The following TRAP1 variants were observed in gnomAD, a reference collection of about 807,000 sequenced individuals.
TRAP1 encodes the protein heat shock protein 75 kDa, mitochondrial.
Under a neutral mutation model 89.1 loss-of-function variants are expected in TRAP1, and 102 were observed. That is an observed-to-expected ratio of 1.15 (90% confidence interval 0.98 to 1.35). The LOEUF (loss-of-function observed/expected upper bound fraction) is 1.35, where lower values mean the gene tolerates loss of function less well. TRAP1 is among the 40% of genes most tolerant of loss of function. The pLI, the probability that TRAP1 is intolerant of heterozygous loss-of-function variation, is 0.00. For missense variants in TRAP1, 1,256 were observed against 945.3 expected, an observed-to-expected ratio of 1.33 and a Z score of -4.31; for synonymous variants, 508 against 388.0, an observed-to-expected ratio of 1.31 and a Z score of -3.64.
Position 3,664,359 on chromosome 16 carries a change from C to G in TRAP1, c.1484G>C (p.Arg495Pro), listed in dbSNP as rs746111043. 2 of 1,612,352 alleles carry G rather than the reference C, an allele frequency of 1.2e-6. No homozygotes were observed. The highest frequency in any genetic ancestry group is 8.5e-7 in the Non-Finnish European group (1 of 1,179,348). ...GGGGGCGCACAGGTAGTAGATGTTG[C>G]GGGTGCCGGCCCGCATGCGGCTGGC... ...EYASRMRAGT[R>P]NIYYLCAPNR... The change falls in exon 13 of 18, where the codon CGC becomes CCC. Residue 495 changes from arginine to proline, a missense_variant. Transcript: ENST00000246957.
intron 5 of TRAP1, chr16:3,677,879 C>T: frequency 1.9e-6 from 1 of 539,934 alleles, no homozygotes; most frequent in Non-Finnish European, 3.3e-6. Flanking sequence ...AGTGTGTTTT[C>T]CATTTGATTC....
intron 1 of TRAP1, among the ~76,000 whole-genome samples, chr16:3,692,354 G>A (rs1431764251): frequency 6.6e-6 from 1 of 151,940 alleles, no homozygotes; most frequent in African/African-American, 2.4e-5. Flanking sequence ...TGGCCAACAT[G>A]GAGAAACCCC....
intron 1 of TRAP1, among the ~76,000 whole-genome samples, chr16:3,708,176 T>C (rs1407059800): frequency 6.6e-6 from 1 of 151,176 alleles, no homozygotes; most frequent in East Asian, 2.0e-4. Context: ...CCAGCCCGGA[T>C]GACAAAGCAA....
intron 1 of TRAP1, among the ~76,000 whole-genome samples, chr16:3,702,026 T>C (rs1044372962): frequency 6.6e-6 from 1 of 152,060 alleles, no homozygotes; most frequent in African/African-American, 2.4e-5. Context: ...GTGGCCAACA[T>C]GGTGAACCCT....
At chr16:3,663,379 G>T (rs565470567) in intron 14 of TRAP1, 45 bp downstream of exon 14, 4 of 1,611,600 alleles carry the variant, frequency 2.5e-6, no homozygotes, top group Non-Finnish European at 3.4e-6. Context: ...GAGGCGTGCG[G>T]GGAGTGGAAA....
intron 12 of TRAP1, among the ~76,000 whole-genome samples, 156 bp downstream of exon 12, chr16:3,665,815 G>A (rs2050817794): frequency 6.6e-6 from 1 of 152,206 alleles, no homozygotes; most frequent in African/African-American, 2.4e-5. Context: ...AGGCCCAGAA[G>A]CCTGGCCTTC....
intron 12 of TRAP1, chr16:3,665,184 G>C (rs1230598071): frequency 6.6e-6 from 1 of 152,212 alleles, no homozygotes; most frequent in East Asian, 1.9e-4. Context: ...AGATAAAGGA[G>C]AATGAAGAGG....
chr16:3,706,305 CA>C (rs2051444978), intron 1 of TRAP1, among the ~76,000 whole-genome samples: 1 of 151,874 alleles, frequency 6.6e-6, no homozygotes, highest in Non-Finnish European at 1.5e-5. Context: ...GTGGGGGTCT[CA>C]CTATGTTGCC....
chr16:3,677,390 G>T, intron 6 of TRAP1, 108 bp downstream of exon 6: 1 of 1,434,088 alleles, frequency 7.0e-7, no homozygotes, highest in Non-Finnish European at 9.6e-7. Context: ...CATATAAAAA[G>T]CCCAGAAAAT....
chr16:3,716,790 C>A (rs753286890), intron 1 of TRAP1, among the ~76,000 whole-genome samples: 6 of 152,200 alleles, frequency 3.9e-5, no homozygotes, highest in Admixed American at 2.0e-4. Flanking sequence ...TTTATTGGCG[C>A]ATCCATCAAT....
At chr16:3,691,922 G>A (rs993984592) in intron 1 of TRAP1, among the ~76,000 whole-genome samples, 2 of 152,154 alleles carry the variant, frequency 1.3e-5, no homozygotes, top group African/African-American at 4.8e-5. Flanking sequence ...CAGCGAGGGA[G>A]GAAAGCAGCC....
intron 1 of TRAP1, among the ~76,000 whole-genome samples, chr16:3,716,086 C>T (rs2051594905): frequency 6.6e-6 from 1 of 152,184 alleles, no homozygotes; most frequent in South Asian, 2.1e-4. Flanking sequence ...TGGTCTTGAA[C>T]TCCTGATCTG....
chr16:3,674,217 A>G, intron 9 of TRAP1, 122 bp downstream of exon 9: 1 of 1,345,754 alleles, frequency 7.4e-7, no homozygotes, highest in Non-Finnish European at 1.0e-6. Context: ...CACCACACCC[A>G]GCACTACCTA....
At position 3,694,876 on chromosome 16, in the gene TRAP1, G is replaced by T. The variant is rs537264806; in HGVS notation, c.89-3891C>A. 2.0e-5 allele frequency among the ~76,000 whole-genome samples: 3 copies of T among 152,246 alleles called. No individual in the cohort carries two copies. The East Asian group carries it at 5.8e-4, about 29-fold the overall frequency. On this transcript the variant is annotated intron_variant, in intron 1 of 17. Coordinates refer to ENST00000246957, the MANE Select transcript of TRAP1 (RefSeq NM_016292.3). ...AGTAACAGACACTTATTCTCTCACA[G>T]TCCTGGAAGCAAGAAGTCCAAGATC...
intron 1 of TRAP1, among the ~76,000 whole-genome samples, chr16:3,700,986 C>G (rs983490795): frequency 6.6e-6 from 1 of 152,130 alleles, no homozygotes; most frequent in Non-Finnish European, 1.5e-5. Context: ...CATTAACAGA[C>G]TGAACTCTAA....
chr16:3,666,377 G>A (rs533519393), intron 11 of TRAP1, among the ~76,000 whole-genome samples: 53 of 152,128 alleles, frequency 3.5e-4, no homozygotes, highest in Admixed American at 2.9e-3. Flanking sequence ...AGATACCCAC[G>A]CCCGGAAAAC....
At chr16:3,690,311 T>G (rs1457444065) in intron 2 of TRAP1, among the ~76,000 whole-genome samples, 1 of 152,106 alleles carries the variant, frequency 6.6e-6, no homozygotes, top group Non-Finnish European at 1.5e-5. Context: ...TGGACTATAT[T>G]CTTCAAAAAA....
intron 4 of TRAP1, among the ~76,000 whole-genome samples, chr16:3,680,802 G>A (rs572953767): frequency 1.5e-4 from 23 of 152,308 alleles, no homozygotes; most frequent in African/African-American, 4.8e-4. Context: ...GCTTGAGGGA[G>A]CTTGCCTGCC....
intron 6 of TRAP1, among the ~76,000 whole-genome samples, chr16:3,677,114 G>A (rs893805419): frequency 6.6e-6 from 1 of 151,850 alleles, no homozygotes; most frequent in Non-Finnish European, 1.5e-5. Flanking sequence ...AGGCAGAAGT[G>A]GGCTGGGGAG....
Sources: allele counts gnomAD v4.1 joint callset (sites outside exome capture counted in the v4.1 genomes callset), GRCh38; gene constraint gnomAD v4.1.1; transcripts MANE v1.5; gene names NCBI Gene and HGNC (gene_info 2026-07-23, HGNC 2026-07-21).